Variants in RANBP17 observed in about 807,000 individuals in gnomAD.
RANBP17 encodes RAN binding protein 17.
RANBP17 carries 158 observed loss-of-function variants against 141.2 expected under a neutral mutation model. The observed-to-expected ratio is 1.12, with a 90% CI of 0.98 to 1.28. The LOEUF (loss-of-function observed/expected upper bound fraction) is 1.28. Ranked by LOEUF, RANBP17 falls within the 50% of genes most tolerant of loss-of-function variation. RANBP17 has a pLI of 0.00. For synonymous variants in RANBP17, 430 were observed against 450.0 expected (o/e 0.96, Z 0.56); for missense variants, 1,438 against 1,290.7 (o/e 1.11, Z -1.75).
At chr5:170,968,874 G>T in intron 14 of RANBP17, 1 of 318,160 alleles carries the variant, frequency 3.1e-6, no homozygotes, top group Non-Finnish European at 6.0e-6. Flanking sequence ...TGAATGTTTA[G>T]CATCAGTAAG....
intron 14 of RANBP17, among the ~76,000 whole-genome samples, chr5:171,104,437 A>G (rs1309637662): frequency 6.6e-6 from 1 of 152,206 alleles, no homozygotes; most frequent in Non-Finnish European, 1.5e-5. Context: ...AATAGTCAAA[A>G]TAGTTTTCAT....
intron 16 of RANBP17, among the ~76,000 whole-genome samples, chr5:171,173,652 A>G (rs905099890): frequency 2.6e-5 from 4 of 152,122 alleles, no homozygotes; most frequent in African/African-American, 7.2e-5. Flanking sequence ...TTTAGGAAGT[A>G]TTAAAAAGCC....
At chr5:170,900,014 G>A (rs1188532369) in intron 5 of RANBP17, among the ~76,000 whole-genome samples, 1 of 152,148 alleles carries the variant, frequency 6.6e-6, no homozygotes, top group Non-Finnish European at 1.5e-5. Context: ...TTGGTATCAG[G>A]ATGATGCTGG....
chr5:171,236,106 G>T (rs1764529325), intron 22 of RANBP17, among the ~76,000 whole-genome samples: 2 of 152,104 alleles, frequency 1.3e-5, no homozygotes, highest in South Asian at 4.1e-4. Flanking sequence ...TTGCTGGTTT[G>T]CAGAGAGACA....
chr5:171,022,017 A>G (rs1479836480), intron 14 of RANBP17, among the ~76,000 whole-genome samples: 4 of 151,728 alleles, frequency 2.6e-5, no homozygotes, highest in East Asian at 1.9e-4. Flanking sequence ...GTTTGTTTCA[A>G]TATTCAGGTC....
At chr5:171,130,341 T>C (rs1303857363) in intron 14 of RANBP17, among the ~76,000 whole-genome samples, 1 of 152,172 alleles carries the variant, frequency 6.6e-6, no homozygotes, top group East Asian at 1.9e-4. Context: ...ATTTTCATTT[T>C]CTTTGGAAAT....
At chr5:171,137,703 G>A (rs1757408983) in intron 14 of RANBP17, among the ~76,000 whole-genome samples, 1 of 151,174 alleles carries the variant, frequency 6.6e-6, no homozygotes, top group Admixed American at 6.6e-5. Flanking sequence ...CTGGAAATTT[G>A]CCACCAATTT....
chr5:170,955,499 ATATATATATG>A lies in RANBP17; in HGVS notation c.1574+1808_1574+1817del, dbSNP rs1364735150. On this transcript the variant is annotated intron_variant, in intron 13 of 27. Coordinates refer to ENST00000523189, the MANE Select transcript of RANBP17 (RefSeq NM_022897.5). ...ATATATATATATGCTCAGTGTGTAT[ATATATATATG>A]TATATATATGCTCAGTCTGTGTATA... is the stretch of plus-strand genomic sequence containing the variant. Among the ~76,000 whole-genome samples, 92 of 140,042 alleles carry A rather than the reference ATATATATATG, an allele frequency of 6.6e-4. 1 individual carries two copies. Among genetic ancestry groups the A allele is most frequent in the Non-Finnish European group, 1.0e-3 (66 of 65,216 alleles). 91.9% of individuals were successfully genotyped at this position (140,042 alleles called of 152,430 possible).
Position 171,277,637 on chromosome 5 carries a change from G to GTATATATATATATATA in RANBP17, c.2943+11806_2943+11821dup, listed in dbSNP as rs70982330. 4.0e-3 allele frequency among the ~76,000 whole-genome samples: 227 copies of GTATATATATATATATA among 56,852 alleles called. 5 individuals are homozygous for GTATATATATATATATA. The highest frequency in any genetic ancestry group is 6.3e-3 in the African/African-American group (108 of 17,190). 37.3% of individuals were successfully genotyped at this position (56,852 alleles called of 152,430 possible). On this transcript the variant is annotated intron_variant, in intron 25 of 27. Coordinates refer to ENST00000523189, the MANE Select transcript of RANBP17 (RefSeq NM_022897.5). ...GTGCCTTACGTATACATATATGTAT[G>GTATATATATATATATA]TATATATATATATATATATATATAT... is the stretch of plus-strand genomic sequence containing the variant.
intron 18 of RANBP17, among the ~76,000 whole-genome samples, chr5:171,185,480 A>G (rs1761173154): frequency 6.6e-6 from 1 of 152,232 alleles, no homozygotes; most frequent in Non-Finnish European, 1.5e-5. Flanking sequence ...CTCTGCTGCC[A>G]CTTTATCAAC....
At chr5:170,936,731 A>G (rs1561909071) in intron 12 of RANBP17, among the ~76,000 whole-genome samples, 1 of 152,238 alleles carries the variant, frequency 6.6e-6, no homozygotes, top group Admixed American at 6.5e-5. Flanking sequence ...ATATAAATTA[A>G]GATAATGTTC....
intron 14 of RANBP17, among the ~76,000 whole-genome samples, chr5:171,079,279 G>T (rs187057287): frequency 1.3e-4 from 20 of 152,288 alleles, no homozygotes; most frequent in Non-Finnish European, 2.9e-5. Flanking sequence ...TCAAACAGAT[G>T]AGTTTCTTCT....
intron 14 of RANBP17, among the ~76,000 whole-genome samples, chr5:171,094,714 G>A (rs113481153): frequency 0.013 from 1,996 of 152,274 alleles, 47 homozygotes; most frequent in African/African-American, 0.046. Context: ...AGAGTTTGCT[G>A]TCTGGCTAAT....
intron 3 of RANBP17, among the ~76,000 whole-genome samples, chr5:170,887,820 T>C (rs1364642390): frequency 6.6e-6 from 1 of 151,844 alleles, no homozygotes; most frequent in African/African-American, 2.4e-5. Flanking sequence ...TATCCCATGG[T>C]GGGAGGGCAA....
At chr5:170,897,432 G>A in intron 5 of RANBP17, 1 of 385,072 alleles carries the variant, frequency 2.6e-6, no homozygotes, top group Non-Finnish European at 4.9e-6. Context: ...TATACTTTAA[G>A]TTCTTGGATA....
intron 14 of RANBP17, chr5:170,983,161 C>T: frequency 2.0e-6 from 1 of 502,280 alleles, no homozygotes; most frequent in Non-Finnish European, 3.8e-6. Context: ...GGATCAAACA[C>T]AGGAGAGAGG....
intron 23 of RANBP17, among the ~76,000 whole-genome samples, chr5:171,241,729 T>C (rs1397294053): frequency 1.3e-5 from 2 of 151,868 alleles, no homozygotes; most frequent in Non-Finnish European, 2.9e-5. Context: ...AGACAACTGG[T>C]ATGGTTCCAA....
chr5:171,233,066 C>T lies in RANBP17; in HGVS notation c.2423-7862C>T, dbSNP rs76072685. On this transcript the variant is annotated intron_variant, in intron 22 of 27. Transcript: ENST00000523189. The stretch of plus-strand genomic sequence containing the variant: ...ACTAGTAATTAGAAGGTAGACTGGG[C>T]GCAGCTGCTCATGCCTGTAGTCCTA... Among the ~76,000 whole-genome samples the T allele has an allele frequency of 4.1e-3, 624 of 152,114 alleles. 4 individuals are homozygous for T. Among genetic ancestry groups the T allele is most frequent in the African/African-American group, 0.013 (550 of 41,500 alleles).
Position 170,924,380 on chromosome 5 carries a change from A to G in RANBP17, c.1298A>G (p.Asp433Gly), listed in dbSNP as rs773029608. The G allele has an allele frequency of 6.3e-7, 1 of 1,598,616 alleles. No individual in the cohort carries two copies. Among genetic ancestry groups the G allele is most frequent in the Non-Finnish European group, 8.6e-7 (1 of 1,167,702 alleles). Residue 433 changes from aspartate (D) to glycine (G), a missense_variant, in exon 12 of 28, where the codon GAT becomes GGT. By Grantham distance (94) the Asp-to-Gly change is moderately conservative. Transcript: ENST00000523189. ...AGAGATCACTTAGATGATCCACTGG[A>G]TGATACTGCCACTGTGTTTCAGCAG... ...VVRDHLDDPL[D>G]DTATVFQQLE...
Sources: gnomAD v4.1 joint callset for allele counts (sites outside exome capture counted in the v4.1 genomes callset) on GRCh38, gnomAD v4.1.1 for gene constraint, MANE v1.5 for transcripts, NCBI Gene and HGNC (gene_info 2026-07-23, HGNC 2026-07-21) for gene names.